The following CPNE4 variants were observed in gnomAD, a reference collection of about 807,000 sequenced individuals.
CPNE4 encodes copine-4.
In CPNE4, 25 loss-of-function variants were observed where a neutral mutation model predicts 67.9. The ratio of observed to expected loss-of-function variants is 0.37; its 90% confidence interval spans 0.27 to 0.51. The LOEUF (loss-of-function observed/expected upper bound fraction) is 0.51, where lower values mean the gene tolerates loss of function less well. Among genes scored for constraint, CPNE4 ranks in the 20% least tolerant of loss-of-function variants. CPNE4 has a pLI of 0.93. For missense variants in CPNE4, 464 were observed against 690.8 expected, an observed-to-expected ratio of 0.67 and a Z score of 3.68; for synonymous variants, 242 against 244.9, an observed-to-expected ratio of 0.99 and a Z score of 0.11.
At chr3:131,815,959 G>T (rs1250389393) in intron 2 of CPNE4, among the ~76,000 whole-genome samples, 1 of 152,124 alleles carries the variant, frequency 6.6e-6, no homozygotes, top group African/African-American at 2.4e-5. Context: ...TTGGTTTTGG[G>T]AAGGGACTAT....
intron 7 of CPNE4, among the ~76,000 whole-genome samples, chr3:131,646,497 T>A (rs994801544): frequency 2.0e-5 from 3 of 152,164 alleles, no homozygotes; most frequent in Non-Finnish European, 4.4e-5. Flanking sequence ...ACCTCCCCCA[T>A]GTTTCTAAGG....
intron 1 of CPNE4, among the ~76,000 whole-genome samples, chr3:131,987,550 CT>C (rs2073084200): frequency 6.6e-6 from 1 of 151,972 alleles, no homozygotes; most frequent in Non-Finnish European, 1.5e-5. Flanking sequence ...CCACACCCAG[CT>C]AATTTTTTGT....
At chr3:131,595,438 T>A (rs540860757) in intron 7 of CPNE4, among the ~76,000 whole-genome samples, 1 of 152,184 alleles carries the variant, frequency 6.6e-6, no homozygotes, top group Non-Finnish European at 1.5e-5. Context: ...TGTGTTAGTG[T>A]GTTCTTACAT....
intron 3 of CPNE4, among the ~76,000 whole-genome samples, chr3:131,721,725 TA>T (rs1233621299): frequency 1.3e-5 from 2 of 152,160 alleles, no homozygotes; most frequent in Non-Finnish European, 2.9e-5. Context: ...TGACAAAATA[TA>T]AAATTTATGC....
chr3:131,732,456 C>T (rs1219315806), intron 2 of CPNE4, among the ~76,000 whole-genome samples: 1 of 152,198 alleles, frequency 6.6e-6, no homozygotes, highest in Non-Finnish European at 1.5e-5. Context: ...CTTGGCCCAG[C>T]TCACCTTCTT....
At chr3:131,744,225 C>T (rs2082431597) in intron 2 of CPNE4, among the ~76,000 whole-genome samples, 2 of 151,446 alleles carry the variant, frequency 1.3e-5, no homozygotes, top group African/African-American at 4.8e-5. Flanking sequence ...TGGTAAGATG[C>T]CTGAAAACAA....
chr3:131,916,025 G>A (rs193230844), intron 1 of CPNE4, among the ~76,000 whole-genome samples: 3 of 152,218 alleles, frequency 2.0e-5, no homozygotes, highest in South Asian at 4.1e-4. Context: ...AGTTAAATTT[G>A]AACTAAATCG....
intron 2 of CPNE4, among the ~76,000 whole-genome samples, chr3:131,891,943 G>C (rs1001994761): frequency 2.0e-5 from 3 of 151,950 alleles, no homozygotes; most frequent in Non-Finnish European, 4.4e-5. Flanking sequence ...TTTTCAACTA[G>C]AATAACTGAA....
intron 2 of CPNE4, among the ~76,000 whole-genome samples, chr3:131,727,651 T>A (rs185546301): frequency 1.4e-4 from 21 of 152,342 alleles, no homozygotes; most frequent in Non-Finnish European, 2.6e-4. Context: ...CAATTCAATA[T>A]GTTTTGACAC....
chr3:131,933,338 T>C (rs1381252604), intron 1 of CPNE4, among the ~76,000 whole-genome samples: 4 of 152,122 alleles, frequency 2.6e-5, no homozygotes, highest in South Asian at 4.1e-4. Flanking sequence ...GGGAATATAT[T>C]TGAAAAGCAT....
chr3:131,741,123 C>T (rs561637271), intron 2 of CPNE4, among the ~76,000 whole-genome samples: 1 of 152,180 alleles, frequency 6.6e-6, no homozygotes, highest in Non-Finnish European at 1.5e-5. Flanking sequence ...TTCTCCTTAG[C>T]ACTTATTACT....
intron 1 of CPNE4, among the ~76,000 whole-genome samples, chr3:131,958,604 CTTTT>C (rs1187036820): frequency 1.3e-3 from 57 of 44,292 alleles, no homozygotes; most frequent in Non-Finnish European, 2.3e-3. Flanking sequence ...ACCTTTCTTT[CTTTT>C]CTTTTTTTTT....
rs142695061 is a variant in CPNE4, at chr3:131,786,202, C to T, written c.181-62577G>A. Among the ~76,000 whole-genome samples, 1,452 of 152,146 alleles carry T rather than the reference C, an allele frequency of 9.5e-3. 19 individuals carry two copies. Among genetic ancestry groups the T allele is most frequent in the African/African-American group, 0.033 (1,379 of 41,508 alleles). ...CTTTGTTCCTCTTCTTCATTTCTGG[C>T]ACCGAGAATTGCCTTGCCTTACCTT... On this transcript the variant is annotated intron_variant, in intron 2 of 15. Coordinates refer to ENST00000429747, the MANE Select transcript of CPNE4 (RefSeq NM_130808.3).
At position 131,639,511 on chromosome 3, in the gene CPNE4, G is replaced by A. The variant is rs1471731813; in HGVS notation, c.681+30164C>T. On this transcript the variant is annotated intron_variant, in intron 7 of 15. Transcript: ENST00000429747. ...CATAGCAAGCAGTGAGATTGAAATG[G>A]TAATAAAAAATTGTCAACAAAGAAG... Among the ~76,000 whole-genome samples, 4 of 151,962 alleles carry A rather than the reference G, an allele frequency of 2.6e-5. No individual in the cohort carries two copies. In the East Asian group the frequency reaches 5.8e-4, roughly 22 times the overall value.
At chr3:131,963,296 A>G (rs111603268) in intron 1 of CPNE4, among the ~76,000 whole-genome samples, 3,405 of 151,974 alleles carry the variant, frequency 0.022, 58 homozygotes, top group South Asian at 0.066. Context: ...CTGGGTTTCA[A>G]GCACAAAACT....
chr3:131,847,259 A>T (rs539794472), intron 2 of CPNE4, among the ~76,000 whole-genome samples: 5 of 152,238 alleles, frequency 3.3e-5, no homozygotes, highest in African/African-American at 1.2e-4. Flanking sequence ...CACTATGCCC[A>T]CTAAGTATCA....
At position 131,550,049 on chromosome 3, in the gene CPNE4, G is replaced by T; in HGVS notation, c.1200C>A (p.Ser400Arg). 1 of 1,613,130 alleles carries T rather than the reference G, an allele frequency of 6.2e-7. No homozygotes were observed. Among genetic ancestry groups the T allele is most frequent in the Non-Finnish European group, 8.5e-7 (1 of 1,179,370 alleles). The change falls in exon 14 of 16, where the codon AGC becomes AGA. Residue 400 changes from serine to arginine, a missense_variant. Transcript: ENST00000429747. ...CGTAGAGTTGGAGCTTAGGAAGACA[G>T]CTCTGATAGGCTTCCACAACTCCTT... ...GIQGVVEAYQSCLPKLQLYGP... is the reference protein window; with the variant it reads ...GIQGVVEAYQRCLPKLQLYGP...
At chr3:131,826,367 A>C (rs1328524459) in intron 2 of CPNE4, among the ~76,000 whole-genome samples, 1 of 151,994 alleles carries the variant, frequency 6.6e-6, no homozygotes, top group Non-Finnish European at 1.5e-5. Flanking sequence ...AATTAAAAAA[A>C]AAATTTTCTT....
At chr3:131,791,159 A>G (rs922607745) in intron 2 of CPNE4, among the ~76,000 whole-genome samples, 9 of 152,222 alleles carry the variant, frequency 5.9e-5, no homozygotes, top group African/African-American at 2.2e-4. Flanking sequence ...AAATATGACC[A>G]ACCACTAGGA....
Sources: allele counts gnomAD v4.1 joint callset (sites outside exome capture counted in the v4.1 genomes callset), GRCh38; gene constraint gnomAD v4.1.1; transcripts MANE v1.5; gene names NCBI Gene and HGNC (gene_info 2026-07-23, HGNC 2026-07-21).